The following SYT17 variants were observed in gnomAD, a reference collection of about 807,000 sequenced individuals.
SYT17 encodes the protein synaptotagmin-17.
In SYT17, 22 loss-of-function variants were observed where a neutral mutation model predicts 46.7. That is an observed-to-expected ratio of 0.47 (90% CI 0.34 to 0.67). The LOEUF (loss-of-function observed/expected upper bound fraction) is 0.67. SYT17 is among the 30% of genes least tolerant of loss of function. The pLI is 0.01. For synonymous variants in SYT17, 251 were observed against 248.4 expected, an observed-to-expected ratio of 1.01 and a Z score of -0.10; for missense variants, 519 against 612.8, an observed-to-expected ratio of 0.85 and a Z score of 1.62.
intron 7 of SYT17, among the ~76,000 whole-genome samples, chr16:19,232,890 C>G (rs1331689844): frequency 6.6e-6 from 1 of 152,062 alleles, no homozygotes; most frequent in Non-Finnish European, 1.5e-5. Flanking sequence ...GTCCCTACCC[C>G]TGCACATTGT....
At chr16:19,203,012 C>A (rs1965524433) in intron 5 of SYT17, among the ~76,000 whole-genome samples, 1 of 152,178 alleles carries the variant, frequency 6.6e-6, no homozygotes, top group African/African-American at 2.4e-5. Flanking sequence ...TCTTTGCCAG[C>A]AACGGGGACG....
At chr16:19,208,985 C>T (rs947634762) in intron 5 of SYT17, among the ~76,000 whole-genome samples, 4 of 136,136 alleles carry the variant, frequency 2.9e-5, no homozygotes, top group Non-Finnish European at 3.0e-5. Context: ...CTCTGCCTTT[C>T]GGGTTCAAGG....
Position 19,262,735 on chromosome 16 carries a change from C to T in SYT17, c.1229-4145C>T, listed in dbSNP as rs1258164319. 3.3e-5 allele frequency among the ~76,000 whole-genome samples: 5 copies of T among 152,212 alleles called. 1 individual carries two copies. The South Asian group carries it at 8.3e-4, about 25-fold the overall frequency. On this transcript the variant is annotated intron_variant, in intron 7 of 7. Transcript: ENST00000355377. ...ATGGCTGACCATCTGGGTAGCTGAG[C>T]CTCCTTGCAGAGGTAGCTTGCAGAG...
intron 7 of SYT17, among the ~76,000 whole-genome samples, chr16:19,244,720 G>A (rs552623384): frequency 1.3e-5 from 2 of 152,166 alleles, no homozygotes; most frequent in African/African-American, 2.4e-5. Context: ...CGGCCCAGGC[G>A]CCTTCCATCT....
intron 7 of SYT17, among the ~76,000 whole-genome samples, chr16:19,244,184 T>C (rs1597012914): frequency 6.6e-6 from 1 of 152,140 alleles, no homozygotes; most frequent in East Asian, 1.9e-4. Flanking sequence ...GTTATCCCAT[T>C]TTACAGGGAA....
chr16:19,172,307 G>A (rs1020947859), intron 1 of SYT17: 11 of 1,305,752 alleles, frequency 8.4e-6, no homozygotes, highest in African/African-American at 4.6e-5. Context: ...TAGGGCCTCC[G>A]GGAGGGCGGG....
At chr16:19,243,792 T>G (rs1391106606) in intron 7 of SYT17, among the ~76,000 whole-genome samples, 5 of 123,692 alleles carry the variant, frequency 4.0e-5, no homozygotes, top group Non-Finnish European at 7.8e-5. Flanking sequence ...CACTCCAGCC[T>G]GGGCAACAAG....
At chr16:19,237,222 C>T (rs546310311) in intron 7 of SYT17, among the ~76,000 whole-genome samples, 32 of 152,300 alleles carry the variant, frequency 2.1e-4, no homozygotes, top group South Asian at 8.3e-4. Flanking sequence ...CTCTTAACCA[C>T]GACATTGATG....
At chr16:19,221,963 G>A (rs1005284713) in intron 5 of SYT17, among the ~76,000 whole-genome samples, 2 of 152,160 alleles carry the variant, frequency 1.3e-5, no homozygotes, top group African/African-American at 4.8e-5. Flanking sequence ...TTCACCATGG[G>A]ATGAGAATTT....
chr16:19,186,085 T>TTC (rs549319580), intron 5 of SYT17, among the ~76,000 whole-genome samples: 189 of 152,258 alleles, frequency 1.2e-3, no homozygotes, highest in African/African-American at 3.9e-3. Context: ...GGGAGCAGGT[T>TTC]TCTCCCAGAC....
rs1963972613 is a variant in SYT17 at position 19,168,915 on chromosome 16, G to T, written c.15+254G>T. The stretch of plus-strand genomic sequence containing the variant: ...CGCGCGCCCTTGCCTCTTGGGGAGG[G>T]AATGGGGGGTGGGGCGGACTTTTCT... On this transcript the variant is annotated intron_variant, in intron 1 of 7. Coordinates refer to ENST00000355377, the MANE Select transcript of SYT17 (RefSeq NM_016524.4). The surrounding 1 kb of genome is among the most constrained non-coding windows in gnomAD (Gnocchi z 6.9). 6.6e-6 allele frequency among the ~76,000 whole-genome samples: 1 copy of T among 152,070 alleles called. No individual in the cohort carries two copies. The highest frequency in any genetic ancestry group is 1.5e-5 in the Non-Finnish European group (1 of 67,982).
rs1389537349 is a variant in SYT17 at position 19,168,612 on chromosome 16, C to T, written c.-35C>T. On this transcript the variant is annotated 5_prime_UTR_variant, in exon 1 of 8. Transcript: ENST00000355377. This position sits in a 1 kb window ranked among gnomAD's most constrained non-coding sequence, Gnocchi z 6.9. ...GAGGGCAAAGTGGCCGTGGCGGCGCCATGCCCGGGCCGGAGTGAGTGCGCG... is the reference window on the plus strand; with the variant it reads ...GAGGGCAAAGTGGCCGTGGCGGCGCTATGCCCGGGCCGGAGTGAGTGCGCG... 7 of 1,541,648 alleles carry T rather than the reference C, an allele frequency of 4.5e-6. No individual in the cohort carries two copies. Among genetic ancestry groups the T allele is most frequent in the Non-Finnish European group, 8.8e-7 (1 of 1,142,272 alleles).
chr16:19,189,338 C>CTT (rs35195326), intron 5 of SYT17, among the ~76,000 whole-genome samples: 1,310 of 129,522 alleles, frequency 0.01, 36 homozygotes, highest in African/African-American at 0.034. Flanking sequence ...CTCAACCTGT[C>CTT]TTTTTTTTTT....
At chr16:19,229,125 A>G (rs1001603025) in intron 7 of SYT17, among the ~76,000 whole-genome samples, 1 of 152,256 alleles carries the variant, frequency 6.6e-6, no homozygotes, top group African/African-American at 2.4e-5. Flanking sequence ...AGGTTTACTG[A>G]ACCAAAGTAA....
chr16:19,253,502 A>C (rs923963246), intron 7 of SYT17, among the ~76,000 whole-genome samples: 3 of 152,048 alleles, frequency 2.0e-5, no homozygotes, highest in African/African-American at 7.2e-5. Context: ...AGAAGAGGAG[A>C]GCAAGAAGAC....
intron 3 of SYT17, among the ~76,000 whole-genome samples, chr16:19,174,203 G>A (rs1964221678): frequency 2.0e-5 from 3 of 152,102 alleles, no homozygotes; most frequent in Admixed American, 1.3e-4. Flanking sequence ...CTCTCCTCCC[G>A]CGCCTGCATA....
At chr16:19,252,396 TATATATACATATATATATAC>T (rs1968165245) in intron 7 of SYT17, among the ~76,000 whole-genome samples, 2 of 20,272 alleles carry the variant, frequency 9.9e-5, no homozygotes, top group Non-Finnish European at 1.5e-4. Flanking sequence ...TATATATACA[TATATATACATATATATATAC>T]ATATATATAT....
chr16:19,172,919 T>G (rs1175177039), intron 2 of SYT17, 142 bp downstream of exon 2: 4 of 1,082,970 alleles, frequency 3.7e-6, no homozygotes, highest in Admixed American at 5.5e-5. Context: ...TTCCATTCCT[T>G]TCTACCGAAA....
intron 5 of SYT17, among the ~76,000 whole-genome samples, chr16:19,215,274 C>T (rs1966052062): frequency 6.6e-6 from 1 of 152,130 alleles, no homozygotes; most frequent in African/African-American, 2.4e-5. Context: ...AGAGCACACA[C>T]CTGTTCTGAG....
Sources: gnomAD v4.1 joint callset for allele counts (sites outside exome capture counted in the v4.1 genomes callset) on GRCh38, gnomAD v4.1.1 for gene constraint, Gnocchi (gnomAD v3.1) non-coding constraint, MANE v1.5 for transcripts, NCBI Gene and HGNC (gene_info 2026-07-23, HGNC 2026-07-21) for gene names.